Variants in RUNX1 observed in about 807,000 individuals in gnomAD.
RUNX1 encodes the protein RUNX family transcription factor 1, also known as runt-related transcription factor 1.
A neutral mutation model predicts 42.8 loss-of-function variants in RUNX1; 19 were observed. That is an observed-to-expected ratio of 0.44 (90% CI 0.31 to 0.65). The LOEUF (loss-of-function observed/expected upper bound fraction) is 0.65. RUNX1 is among the 30% of genes least tolerant of loss of function. The pLI, the probability that RUNX1 is intolerant of heterozygous loss-of-function variation, is 0.07. For synonymous variants in RUNX1, 271 were observed against 289.4 expected, an observed-to-expected ratio of 0.94 and a Z score of 0.64; for missense variants, 528 against 672.0, an observed-to-expected ratio of 0.79 and a Z score of 2.37.
At chr21:34,924,997 G>A (rs1569107492) in intron 2 of RUNX1, among the ~76,000 whole-genome samples, 1 of 150,862 alleles carries the variant, frequency 6.6e-6, no homozygotes, top group Non-Finnish European at 1.5e-5. Flanking sequence ...ACTTCCCAAA[G>A]GCCCCACCTC....
In RUNX1 at chr21:34,815,339, G is replaced by A. The variant is rs531144638; in HGVS notation, c.806-15877C>T. 3.3e-4 allele frequency among the ~76,000 whole-genome samples: 50 copies of A among 152,272 alleles called. No individual in the cohort carries two copies. In the Middle Eastern group the frequency reaches 0.017, roughly 52 times the overall value. ...CAGCTGAAAATTAAAATGTAATTCT[G>A]CTAGGAGAATGCTGGGGAGGGGAGG... On this transcript the variant is annotated intron_variant, in intron 7 of 8. Coordinates refer to ENST00000675419, the MANE Select transcript of RUNX1 (RefSeq NM_001754.5).
At chr21:34,840,759 G>A (rs772628650) in intron 6 of RUNX1, among the ~76,000 whole-genome samples, 8 of 152,242 alleles carry the variant, frequency 5.3e-5, no homozygotes, top group East Asian at 1.9e-4. Flanking sequence ...AGCTTTGCAC[G>A]AGGTGTCCTA....
chr21:35,032,408 ATTAAGAAAGTCTATTTAAGCTG>A (rs930025047), intron 2 of RUNX1, among the ~76,000 whole-genome samples: 7 of 152,222 alleles, frequency 4.6e-5, no homozygotes, highest in African/African-American at 1.4e-4. Flanking sequence ...GAGTTTTTCC[ATTAAGAAAGTCTATTTAAGCTG>A]ATAAAGTGGA....
At chr21:34,888,548 G>C (rs2058031590) in intron 3 of RUNX1, 1 of 1,064,264 alleles carries the variant, frequency 9.4e-7, no homozygotes, top group Admixed American at 5.4e-5. Context: ...GCAGGCCAAG[G>C]AGAAGCAGCA....
chr21:35,021,133 TAA>T (rs1185447799), intron 2 of RUNX1, among the ~76,000 whole-genome samples: 8 of 152,180 alleles, frequency 5.3e-5, no homozygotes, highest in African/African-American at 1.9e-4. Flanking sequence ...ACTGGCAAAG[TAA>T]AATTGAACCA....
intron 6 of RUNX1, among the ~76,000 whole-genome samples, chr21:34,848,832 T>A (rs1196806309): frequency 6.6e-6 from 1 of 152,004 alleles, no homozygotes; most frequent in African/African-American, 2.4e-5. Flanking sequence ...CTCTTTCAAA[T>A]GAATGAACTG....
At chr21:34,960,344 C>T (rs993796971) in intron 2 of RUNX1, among the ~76,000 whole-genome samples, 1 of 152,150 alleles carries the variant, frequency 6.6e-6, no homozygotes, top group Non-Finnish European at 1.5e-5. Flanking sequence ...CAGGCTTGGT[C>T]CCAAAGGCTC....
At chr21:35,012,383 C>A (rs1420069375) in intron 2 of RUNX1, among the ~76,000 whole-genome samples, 1 of 152,150 alleles carries the variant, frequency 6.6e-6, no homozygotes, top group Non-Finnish European at 1.5e-5. Context: ...TTGTTAAAGT[C>A]ACTTTTACAA....
At chr21:34,821,435 GCTAA>G in intron 7 of RUNX1, 4 of 1,343,122 alleles carry the variant, frequency 3.0e-6, no homozygotes, top group Non-Finnish European at 3.9e-6. Flanking sequence ...ATTTCTGCAG[GCTAA>G]CTCATTTAAT....
At chr21:34,935,156 A>G (rs1046019967) in intron 2 of RUNX1, among the ~76,000 whole-genome samples, 1 of 152,188 alleles carries the variant, frequency 6.6e-6, no homozygotes, top group Non-Finnish European at 1.5e-5. Context: ...ATAATCTGTC[A>G]CTCATGCGTT....
Position 34,880,579 on chromosome 21 carries a change from C to T in RUNX1, c.486G>A (p.Arg162=), listed in dbSNP as rs1057519749. Residue 162 remains arginine, a synonymous_variant, in exon 5 of 9, where the codon AGG becomes AGA. Transcript: ENST00000675419. ...KNQVARFNDL[R]FVGRSGRGKS... ...TACCTCTTCCACTTCGACCGACAAA[C>T]CTGAGGTCATTAAATCTTGCAACCT... 2.5e-6 allele frequency: 4 copies of T among 1,614,118 alleles called. No individual in the cohort carries two copies. The highest frequency in any genetic ancestry group is 3.4e-6 in the Non-Finnish European group (4 of 1,180,006).
chr21:34,889,138 C>G (rs1261971724), intron 3 of RUNX1, among the ~76,000 whole-genome samples: 1 of 28,060 alleles, frequency 3.6e-5, no homozygotes, highest in African/African-American at 1.6e-4. Flanking sequence ...GTGGCCGCCA[C>G]GAGGCTCCCG....
intron 2 of RUNX1, among the ~76,000 whole-genome samples, chr21:34,960,425 T>C (rs2058674134): frequency 1.3e-5 from 2 of 152,152 alleles, no homozygotes; most frequent in Non-Finnish European, 2.9e-5. Context: ...GTTTGGGAGA[T>C]GGAAGAGCCA....
chr21:35,007,540 T>A (rs567943775), intron 2 of RUNX1, among the ~76,000 whole-genome samples: 22 of 152,260 alleles, frequency 1.4e-4, no homozygotes, highest in Admixed American at 5.2e-4. Flanking sequence ...GTGCCACCAC[T>A]TCCCCTTCCC....
rs6517264 is a variant in RUNX1, at chr21:34,943,569, T to C, written c.59-50606A>G. On this transcript the variant is annotated intron_variant, in intron 2 of 8. Transcript: ENST00000675419. The stretch of plus-strand genomic sequence containing the variant: ...CAGAAGTTGTTATAGAAAGCCAATA[T>C]GGCTTGGGGAGGGAACATGGAGTCA... 8.6e-3 allele frequency among the ~76,000 whole-genome samples: 1,308 copies of C among 152,306 alleles called. 20 individuals carry two copies. Among genetic ancestry groups the C allele is most frequent in the African/African-American group, 0.025 (1,049 of 41,564 alleles).
At position 35,044,528 on chromosome 21, in the gene RUNX1, G is replaced by A. The variant is rs575727094; in HGVS notation, c.58+4314C>T. ...CTTACTCTGCAGATGAGGAAACTAA[G>A]GCTCAAGAGAGAAGTTCTATATGCT... On this transcript the variant is annotated intron_variant, in intron 2 of 8. Transcript: ENST00000675419. Among the ~76,000 whole-genome samples the A allele has an allele frequency of 1.4e-4, 22 of 152,248 alleles. No individual in the cohort carries two copies. In the South Asian group the frequency reaches 4.4e-3, roughly 30 times the overall value.
intron 8 of RUNX1, among the ~76,000 whole-genome samples, chr21:34,794,713 G>C (rs1329485440): frequency 1.3e-5 from 2 of 152,176 alleles, no homozygotes; most frequent in Non-Finnish European, 2.9e-5. Flanking sequence ...GTATTAGGCA[G>C]GGTTCCCTAT....
chr21:34,949,680 C>G (rs2058592458), intron 2 of RUNX1, among the ~76,000 whole-genome samples: 2 of 152,368 alleles, frequency 1.3e-5, no homozygotes, highest in South Asian at 4.1e-4. Context: ...CCAGCGAGGG[C>G]AGGCTGATAG....
intron 2 of RUNX1, among the ~76,000 whole-genome samples, chr21:34,973,087 A>T (rs2058774429): frequency 6.6e-6 from 1 of 152,232 alleles, no homozygotes; most frequent in Admixed American, 6.5e-5. Context: ...CCAGCTCACT[A>T]GAGATAGGCA....
Sources: allele counts gnomAD v4.1 joint callset (sites outside exome capture counted in the v4.1 genomes callset), GRCh38; gene constraint gnomAD v4.1.1; transcripts MANE v1.5; gene names NCBI Gene and HGNC (gene_info 2026-07-23, HGNC 2026-07-21).